Variants in NDFIP1 observed in about 807,000 individuals in gnomAD.
NDFIP1 encodes NEDD4 family-interacting protein 1.
NDFIP1 carries 7 observed loss-of-function variants against 28.8 expected under a neutral mutation model. The ratio of observed to expected loss-of-function variants is 0.24; its 90% CI spans 0.14 to 0.46. The LOEUF (loss-of-function observed/expected upper bound fraction) is 0.46, where lower values mean the gene tolerates loss of function less well. NDFIP1 is among the 20% of genes least tolerant of loss of function. NDFIP1 has a pLI of 0.99. For synonymous variants in NDFIP1, 92 were observed against 101.0 expected (o/e 0.91, Z 0.53); for missense variants, 194 against 269.1 (o/e 0.72, Z 1.95).
At chr5:142,140,034 T>C (rs953829485) in intron 5 of NDFIP1, among the ~76,000 whole-genome samples, 4 of 152,254 alleles carry the variant, frequency 2.6e-5, no homozygotes, top group Non-Finnish European at 5.9e-5. Context: ...ATTTAACAAT[T>C]GCTTTTCCTT....
At chr5:142,110,251 C>A (rs1320799501) in intron 1 of NDFIP1, among the ~76,000 whole-genome samples, 1 of 152,156 alleles carries the variant, frequency 6.6e-6, no homozygotes, top group African/African-American at 2.4e-5. Context: ...TGCAGTTAAT[C>A]CTTAGATCTC....
chr5:142,120,913 C>G (rs1397465236), intron 1 of NDFIP1, among the ~76,000 whole-genome samples: 1 of 152,210 alleles, frequency 6.6e-6, no homozygotes, highest in African/African-American at 2.4e-5. Context: ...TCAAGGTGGA[C>G]TCTCCTGAAT....
chr5:142,138,838 ACAC>A (rs1413452707), intron 5 of NDFIP1, among the ~76,000 whole-genome samples: 3 of 152,054 alleles, frequency 2.0e-5, no homozygotes, highest in Admixed American at 6.6e-5. Flanking sequence ...AAACTCTTGG[ACAC>A]CAAAGCCTCC....
chr5:142,130,141 T>C (rs1423157475), intron 1 of NDFIP1, among the ~76,000 whole-genome samples: 2 of 152,120 alleles, frequency 1.3e-5, no homozygotes, highest in African/African-American at 4.8e-5. Flanking sequence ...TCACTAAATA[T>C]TCTGTTATTA....
rs33932095 is a variant in NDFIP1 at position 142,136,755 on chromosome 5, CAAA to C, written c.370+955_370+957del. On this transcript the variant is annotated intron_variant, in intron 4 of 7. Coordinates refer to ENST00000253814, the MANE Select transcript of NDFIP1 (RefSeq NM_030571.4). ...GGGGGACAAGAGTGAGACTTCGTCT[CAAA>C]AAAAAAAAAAAAAAAAGAGGTCAAA... Among the ~76,000 whole-genome samples the C allele has an allele frequency of 2.6e-4, 20 of 76,444 alleles. 1 individual carries two copies. In the South Asian group the frequency reaches 3.6e-3, roughly 14 times the overall value. 50.2% of individuals were successfully genotyped at this position (76,444 alleles called of 152,430 possible).
At chr5:142,112,089 C>CA (rs1437426731) in intron 1 of NDFIP1, among the ~76,000 whole-genome samples, 3 of 150,204 alleles carry the variant, frequency 2.0e-5, no homozygotes, top group Non-Finnish European at 4.4e-5. Context: ...CAAAACAAAA[C>CA]AAAAAATGGC....
At chr5:142,134,985 CT>C (rs749892679) in intron 3 of NDFIP1, among the ~76,000 whole-genome samples, 1,661 of 148,028 alleles carry the variant, frequency 0.011, 12 homozygotes, top group Non-Finnish European at 0.015. Context: ...TTGATTTTAT[CT>C]TTTTTTTTTT....
chr5:142,138,619 A>C (rs1028674199), intron 5 of NDFIP1, among the ~76,000 whole-genome samples: 3 of 152,154 alleles, frequency 2.0e-5, no homozygotes, highest in Admixed American at 2.0e-4. Flanking sequence ...ATTATAAAAC[A>C]TTTGTTAACG....
chr5:142,138,196 A>G (rs1294093105), intron 5 of NDFIP1: 1 of 162,876 alleles, frequency 6.1e-6, no homozygotes, highest in Non-Finnish European at 1.3e-5. Flanking sequence ...ATATCTCATC[A>G]AAAGCAGCCA....
Position 142,144,763 on chromosome 5 carries a change from A to G in NDFIP1, c.*2+87A>G, listed in dbSNP as rs1757371303. On this transcript the variant is annotated intron_variant, in intron 7 of 7. Transcript: ENST00000253814. ...TTCAGTTTTAGAGTAAGTATCTGTGATAGGGGCATATAGAGAAAGTAAAGA... is the reference window on the plus strand; with the variant it reads ...TTCAGTTTTAGAGTAAGTATCTGTGGTAGGGGCATATAGAGAAAGTAAAGA... The G allele has an allele frequency of 1.1e-5, 8 of 740,882 alleles. No homozygotes were observed. The South Asian group carries it at 1.5e-4, about 14-fold the overall frequency. 45.9% of individuals were successfully genotyped at this position (740,882 alleles called of 1,614,324 possible).
chr5:142,142,320 T>TC (rs1389153496), intron 6 of NDFIP1, among the ~76,000 whole-genome samples: 1 of 152,138 alleles, frequency 6.6e-6, no homozygotes, highest in Non-Finnish European at 1.5e-5. Context: ...TAATTTTTTT[T>TC]CCTCTATTGA....
intron 4 of NDFIP1, among the ~76,000 whole-genome samples, chr5:142,136,400 T>C (rs1757275177): frequency 6.6e-6 from 1 of 152,196 alleles, no homozygotes; most frequent in Non-Finnish European, 1.5e-5. Context: ...GGGGCACTTA[T>C]TTAATGTTGA....
intron 1 of NDFIP1, among the ~76,000 whole-genome samples, chr5:142,115,593 TATA>T (rs781058345): frequency 6.6e-6 from 1 of 152,178 alleles, no homozygotes; most frequent in Non-Finnish European, 1.5e-5. Flanking sequence ...CCTATATTCT[TATA>T]ATAATGGACA....
At chr5:142,137,658 A>G (rs1443313309) in intron 4 of NDFIP1, 76 bp from the exon 5 acceptor site, 2 of 1,537,550 alleles carry the variant, frequency 1.3e-6, no homozygotes, top group Non-Finnish European at 1.8e-6. Flanking sequence ...TCATTTAAAC[A>G]GAGGCAGGTG....
intron 7 of NDFIP1, among the ~76,000 whole-genome samples, chr5:142,150,486 G>A (rs1757434230): frequency 6.6e-6 from 1 of 151,928 alleles, no homozygotes; most frequent in Admixed American, 6.6e-5. Flanking sequence ...ATTAAAATAT[G>A]TTCATTTCCT....
At chr5:142,117,208 G>A (rs1757077143) in intron 1 of NDFIP1, among the ~76,000 whole-genome samples, 5 of 151,602 alleles carry the variant, frequency 3.3e-5, no homozygotes, top group Admixed American at 1.3e-4. Context: ...GGTTTAGGGA[G>A]TGGTGCCTGT....
chr5:142,131,301 GT>G, intron 1 of NDFIP1, among the ~76,000 whole-genome samples: 1 of 151,526 alleles, frequency 6.6e-6, no homozygotes, highest in Middle Eastern at 3.4e-3. Context: ...TTGACACAGA[GT>G]TTCACTCTGT....
At chr5:142,131,350 C>T (rs1372847213) in intron 1 of NDFIP1, among the ~76,000 whole-genome samples, 1 of 152,204 alleles carries the variant, frequency 6.6e-6, no homozygotes. Flanking sequence ...TCTCAGCTCA[C>T]TGCAACCTCC....
chr5:142,137,879 GA>G (rs779396778), intron 5 of NDFIP1, 21 bp downstream of exon 5: 1 of 1,611,878 alleles, frequency 6.2e-7, no homozygotes, highest in Non-Finnish European at 8.5e-7. Context: ...TAACAGAAAA[GA>G]TGGGCTCTAC....
Sources: allele counts gnomAD v4.1 joint callset (sites outside exome capture counted in the v4.1 genomes callset), GRCh38; gene constraint gnomAD v4.1.1; transcripts MANE v1.5; gene names NCBI Gene and HGNC (gene_info 2026-07-23, HGNC 2026-07-21).